NCOR1: variants seen among roughly 807,000 people sequenced by gnomAD.
NCOR1 encodes the protein nuclear receptor corepressor 1, also known as protein phosphatase 1, regulatory subunit 109.
Under a neutral mutation model 288.1 loss-of-function variants are expected in NCOR1, and 63 were observed. The observed-to-expected ratio is 0.22, with a 90% confidence interval of 0.18 to 0.27. NCOR1 has a LOEUF of 0.27. NCOR1 is among the 10% of genes least tolerant of loss of function. The pLI is 1.00. For synonymous variants in NCOR1, 1,007 were observed against 1,065.9 expected (o/e 0.94, Z 1.08); for missense variants, 2,397 against 3,019.2 (o/e 0.79, Z 4.83).
intron 5 of NCOR1, among the ~76,000 whole-genome samples, chr17:16,162,633 A>G (rs1888465864): frequency 6.6e-6 from 1 of 152,274 alleles, no homozygotes; most frequent in Admixed American, 6.5e-5. Context: ...ATGTACTAAG[A>G]AAAAATAATC....
intron 3 of NCOR1, among the ~76,000 whole-genome samples, chr17:16,182,616 G>C (rs913236546): frequency 1.3e-5 from 2 of 151,948 alleles, no homozygotes. Context: ...CACCACGCCC[G>C]GCTAATGTTT....
Position 16,057,622 on chromosome 17 carries a change from G to A in NCOR1, c.6284C>T (p.Thr2095Ile), listed in dbSNP as rs755426829. The change falls in exon 40 of 46, where the codon ACT becomes ATT. Residue 2095 changes from threonine (T) to isoleucine (I), a missense_variant. By Grantham distance (89) the Thr-to-Ile change is moderately conservative (BLOSUM62 -1). This residue lies in a region of NCOR1 where 1,872 missense variants were observed against 2,187.8 expected (regional missense o/e 0.86). Coordinates refer to ENST00000268712, the MANE Select transcript of NCOR1 (RefSeq NM_006311.4). ...TGGGCTGTAACGGTTTGATGTTTTA[G>A]TCCTCACAGGTGTAGATACCAAAGC... ...PSALVSTPVR[T>I]KTSNRYSPES... The A allele has an allele frequency of 6.2e-7, 1 of 1,614,110 alleles. No homozygotes were observed. The highest frequency in any genetic ancestry group is 1.1e-5 in the South Asian group (1 of 91,086).
intron 40 of NCOR1, among the ~76,000 whole-genome samples, chr17:16,052,937 G>A (rs1356212019): frequency 6.6e-6 from 1 of 152,014 alleles, no homozygotes; most frequent in Non-Finnish European, 1.5e-5. Context: ...TGCAAGGTTG[G>A]TTCAATATAC....
intron 42 of NCOR1, among the ~76,000 whole-genome samples, chr17:16,041,614 C>T (rs1223699474): frequency 6.6e-6 from 1 of 151,784 alleles, no homozygotes; most frequent in Non-Finnish European, 1.5e-5. Context: ...GGAGTTTCAC[C>T]ATTTTGGCCA....
In NCOR1 at chr17:16,169,283, C is replaced by A. The variant is rs72835317; in HGVS notation, c.435+2520G>T. The stretch of plus-strand genomic sequence containing the variant: ...AGCAGCAAAAAAACAACAACAACAA[C>A]AAAAAACCCATAAAATTAAATAAAA... On this transcript the variant is annotated intron_variant, in intron 4 of 45. Coordinates refer to ENST00000268712, the MANE Select transcript of NCOR1 (RefSeq NM_006311.4). 5.5e-3 allele frequency among the ~76,000 whole-genome samples: 835 copies of A among 151,786 alleles called. 5 individuals carry two copies. Among genetic ancestry groups the A allele is most frequent in the Admixed American group, 0.013 (197 of 15,248 alleles).
chr17:16,055,268 T>G (rs1271320238), intron 40 of NCOR1, among the ~76,000 whole-genome samples: 1 of 152,204 alleles, frequency 6.6e-6, no homozygotes, highest in Non-Finnish European at 1.5e-5. Flanking sequence ...AGACATGGAA[T>G]CAACCCAAAT....
intron 37 of NCOR1, among the ~76,000 whole-genome samples, chr17:16,058,964 G>A (rs766497005): frequency 5.4e-5 from 8 of 147,524 alleles, no homozygotes; most frequent in Non-Finnish European, 8.9e-5. Flanking sequence ...CCGGAGAATC[G>A]CTTGAACCCG....
chr17:16,143,206 C>G (rs1380083704), intron 11 of NCOR1, among the ~76,000 whole-genome samples: 2 of 152,186 alleles, frequency 1.3e-5, no homozygotes, highest in African/African-American at 2.4e-5. Flanking sequence ...GCACCACCAG[C>G]TTACTCCTCT....
At chr17:16,039,828 G>A (rs940873474) in intron 43 of NCOR1, 174 bp from the exon 44 acceptor site, 6 of 612,088 alleles carry the variant, frequency 9.8e-6, no homozygotes, top group South Asian at 2.0e-5. Flanking sequence ...TCTCTCTGTC[G>A]CACCCAGGCT....
chr17:16,132,994 G>T (rs1264530289), intron 14 of NCOR1, among the ~76,000 whole-genome samples: 3 of 149,822 alleles, frequency 2.0e-5, no homozygotes, highest in Non-Finnish European at 4.4e-5. Flanking sequence ...TTCCAGACGG[G>T]GTCTTGCTCT....
At chr17:16,172,112 G>T in intron 3 of NCOR1, 117 bp from the exon 4 acceptor site, 1 of 797,328 alleles carries the variant, frequency 1.3e-6, no homozygotes, top group Non-Finnish European at 1.9e-6. Context: ...TACATTCAAA[G>T]TGAATCCGTA....
intron 42 of NCOR1, chr17:16,044,704 CAAT>C: frequency 1.4e-6 from 1 of 702,408 alleles, no homozygotes; most frequent in South Asian, 1.4e-5. Context: ...AGGATAAGAT[CAAT>C]GCCCTCGTTA....
In NCOR1 at chr17:16,213,461, C is replaced by T. The variant is rs143919037; in HGVS notation, c.-71+1901G>A. Among the ~76,000 whole-genome samples the T allele has an allele frequency of 8.6e-3, 1,063 of 123,278 alleles. 14 individuals carry two copies. Among genetic ancestry groups the T allele is most frequent in the East Asian group, 0.052 (240 of 4,584 alleles). 80.9% of individuals were successfully genotyped at this position (123,278 alleles called of 152,430 possible). A position where few individuals can be genotyped will look rare whatever the true frequency, so the allele number is the denominator to read the frequency against. On this transcript the variant is annotated intron_variant, in intron 1 of 45. Coordinates refer to ENST00000268712, the MANE Select transcript of NCOR1 (RefSeq NM_006311.4). ...GAGCTGAGATTGCGCCACTGCACTC[C>T]AGCCTGGGTGACAGAGCAAGACTGT...
At chr17:16,135,000 A>T (rs768946086) in intron 14 of NCOR1, among the ~76,000 whole-genome samples, 72 of 152,104 alleles carry the variant, frequency 4.7e-4, no homozygotes, top group Non-Finnish European at 8.7e-4. Context: ...TCTACTAAAT[A>T]TACAAAAAAT....
In NCOR1 at chr17:16,137,295, A is replaced by C. The variant is rs2076577190; in HGVS notation, c.1509+16T>G. On this transcript the variant is annotated intron_variant, in intron 14 of 45. Coordinates refer to ENST00000268712, the MANE Select transcript of NCOR1 (RefSeq NM_006311.4). The stretch of plus-strand genomic sequence containing the variant: ...CCCAATCCTGAAATATCTTCCATAC[A>C]AGTAAGAAAACACACCTGGTTTCTG... 2 of 1,537,448 alleles carry C rather than the reference A, an allele frequency of 1.3e-6. No homozygotes were observed. Among genetic ancestry groups the C allele is most frequent in the African/African-American group, 1.4e-5 (1 of 73,172 alleles).
intron 15 of NCOR1, among the ~76,000 whole-genome samples, chr17:16,123,920 C>A (rs2073503735): frequency 6.6e-6 from 1 of 152,184 alleles, no homozygotes; most frequent in African/African-American, 2.4e-5. Context: ...TTTTCACATT[C>A]TCCCTAAGAC....
rs781263121 is a variant in NCOR1, at chr17:16,194,476, T to C, written c.94A>G (p.Thr32Ala). Residue 32 changes from threonine to alanine, a missense_variant, in exon 2 of 46, where the codon ACC becomes GCC. Transcript: ENST00000268712. ...CTGTTCCTTACCTGCTGGTGGCGGG[T>C]GTTGGGAAATGTATACTGGACAGAG... ...PHSVQYTFPN[T>A]RHQQEFAVPD... 6.2e-7 allele frequency: 1 copy of C among 1,601,794 alleles called. No homozygotes were observed. Among genetic ancestry groups the C allele is most frequent in the African/African-American group, 1.3e-5 (1 of 74,598 alleles).
intron 14 of NCOR1, among the ~76,000 whole-genome samples, chr17:16,133,524 G>A (rs1489152427): frequency 6.6e-6 from 1 of 152,186 alleles, no homozygotes; most frequent in East Asian, 1.9e-4. Flanking sequence ...ATCCACCAGG[G>A]TAAAATCAAG....
At chr17:16,213,800 TCA>T (rs1366910531) in intron 1 of NCOR1, among the ~76,000 whole-genome samples, 1 of 152,150 alleles carries the variant, frequency 6.6e-6, no homozygotes, top group Non-Finnish European at 1.5e-5. Context: ...AGTTCCAAAA[TCA>T]CATAGTTAGA....
Sources: gnomAD v4.1 joint callset for allele counts (sites outside exome capture counted in the v4.1 genomes callset) on GRCh38, gnomAD v4.1.1 for gene constraint, gnomAD v4.1.1 regional missense constraint, MANE v1.5 for transcripts, NCBI Gene and HGNC (gene_info 2026-07-23, HGNC 2026-07-21) for gene names.